Variants in HIVEP3 observed in about 807,000 individuals in gnomAD.
HIVEP3 encodes the protein HIVEP zinc finger 3, also known as transcription factor HIVEP3.
Under a neutral mutation model 152.8 loss-of-function variants are expected in HIVEP3, and 49 were observed. The ratio of observed to expected loss-of-function variants is 0.32; its 90% CI spans 0.26 to 0.41. The LOEUF (loss-of-function observed/expected upper bound fraction) is 0.41, where lower values mean the gene tolerates loss of function less well. Ranked by LOEUF, HIVEP3 falls within the 10% of genes least tolerant of loss-of-function variation. The probability of loss-of-function intolerance (pLI) is 1.00; values close to 1 mark genes in which losing one functional copy is unlikely to be tolerated. For missense variants in HIVEP3, 2,790 were observed against 3,103.3 expected (o/e 0.90, Z 2.40); for synonymous variants, 1,269 against 1,289.0 (o/e 0.98, Z 0.33).
intron 5 of HIVEP3, among the ~76,000 whole-genome samples, chr1:41,571,374 C>T (rs926188576): frequency 7.2e-5 from 11 of 152,202 alleles, no homozygotes; most frequent in African/African-American, 2.7e-4. Flanking sequence ...AACAAAAAGC[C>T]ATTCTAAACA....
chr1:41,764,628 T>C (rs1031462055), intron 1 of HIVEP3, among the ~76,000 whole-genome samples: 4 of 152,244 alleles, frequency 2.6e-5, no homozygotes, highest in Non-Finnish European at 5.9e-5. Flanking sequence ...TAAACCTGTC[T>C]GCACTTTTGA....
chr1:41,640,793 G>C (rs1168104023), intron 2 of HIVEP3, among the ~76,000 whole-genome samples: 1 of 152,210 alleles, frequency 6.6e-6, no homozygotes. Flanking sequence ...GCTACGGTCA[G>C]GCTCCATCAT....
chr1:41,988,178 G>C (rs1645335406), intron 1 of HIVEP3, among the ~76,000 whole-genome samples: 1 of 152,162 alleles, frequency 6.6e-6, no homozygotes, highest in African/African-American at 2.4e-5. Context: ...ATTTGGTAAA[G>C]ATTTCTTGGA....
chr1:41,848,811 C>T (rs1191413301), intron 1 of HIVEP3: 1 of 152,518 alleles, frequency 6.6e-6, no homozygotes, highest in Admixed American at 6.5e-5. Context: ...CCCAGCCCCA[C>T]ATCCCAAGCC....
intron 3 of HIVEP3, among the ~76,000 whole-genome samples, chr1:41,598,805 T>C (rs1170613371): frequency 1.5e-5 from 1 of 65,986 alleles, no homozygotes; most frequent in Non-Finnish European, 2.7e-5. Flanking sequence ...AGTCACATGA[T>C]GTTATTTATT....
chr1:41,515,150 AC>A (rs1457331179), intron 7 of HIVEP3, among the ~76,000 whole-genome samples: 1 of 152,198 alleles, frequency 6.6e-6, no homozygotes, highest in Non-Finnish European at 1.5e-5. Context: ...TCAGTACTGC[AC>A]CCACCTGACC....
chr1:41,596,714 T>G (rs571892109), intron 3 of HIVEP3, among the ~76,000 whole-genome samples: 1 of 152,330 alleles, frequency 6.6e-6, no homozygotes, highest in Admixed American at 6.5e-5. Flanking sequence ...GGGCTGAGGC[T>G]AATTGCTTCA....
intron 3 of HIVEP3, among the ~76,000 whole-genome samples, chr1:41,628,042 A>G (rs1015853005): frequency 1.3e-5 from 2 of 152,204 alleles, no homozygotes; most frequent in Non-Finnish European, 2.9e-5. Flanking sequence ...CCTGTACTGA[A>G]GCCTGAACAT....
Position 41,656,783 on chromosome 1 carries a change from C to G in HIVEP3, c.-720-27836G>C, listed in dbSNP as rs369636658. 5.3e-5 allele frequency among the ~76,000 whole-genome samples: 8 copies of G among 152,292 alleles called. No homozygotes were observed. In the East Asian group the frequency reaches 1.3e-3, roughly 26 times the overall value. On this transcript the variant is annotated intron_variant, in intron 2 of 8. Coordinates refer to ENST00000372583, the MANE Select transcript of HIVEP3 (RefSeq NM_024503.5). ...ATGAAACACAGAGAACTTAAAAATG[C>G]AGCAAATTACACAGTGAGAAAAGGG... is the stretch of plus-strand genomic sequence containing the variant.
intron 1 of HIVEP3, among the ~76,000 whole-genome samples, chr1:41,958,159 T>C (rs1443548459): frequency 3.3e-5 from 5 of 152,162 alleles, no homozygotes; most frequent in African/African-American, 1.2e-4. Flanking sequence ...AAGAAAGAGC[T>C]GCGGCAGCTC....
At chr1:41,978,671 T>C (rs74067854) in intron 1 of HIVEP3, among the ~76,000 whole-genome samples, 9,078 of 152,240 alleles carry the variant, frequency 0.06, 939 homozygotes, top group African/African-American at 0.21. Flanking sequence ...CTTCATTCAT[T>C]CACTCAGCAA....
chr1:41,903,910 T>C (rs2124456960), intron 1 of HIVEP3, among the ~76,000 whole-genome samples: 1 of 151,572 alleles, frequency 6.6e-6, no homozygotes, highest in Non-Finnish European at 1.5e-5. Context: ...TTTTCTTTTT[T>C]TTTTTTTTTG....
intron 5 of HIVEP3, among the ~76,000 whole-genome samples, chr1:41,534,267 C>A (rs1643342632): frequency 6.6e-6 from 1 of 152,148 alleles, no homozygotes; most frequent in African/African-American, 2.4e-5. Context: ...GCCCTGCATT[C>A]CTTGGCAGGA....
intron 5 of HIVEP3, among the ~76,000 whole-genome samples, chr1:41,565,118 T>C (rs904029837): frequency 6.6e-6 from 1 of 152,196 alleles, no homozygotes; most frequent in Non-Finnish European, 1.5e-5. Context: ...TAAGCACACA[T>C]ACATACAATG....
intron 1 of HIVEP3, among the ~76,000 whole-genome samples, chr1:42,008,156 G>T (rs1434161277): frequency 2.6e-5 from 4 of 152,140 alleles, no homozygotes; most frequent in African/African-American, 9.7e-5. Flanking sequence ...GGAATGTACA[G>T]AACCAAGAAG....
At chr1:41,588,112 C>A (rs1644532859) in intron 3 of HIVEP3, among the ~76,000 whole-genome samples, 1 of 152,178 alleles carries the variant, frequency 6.6e-6, no homozygotes, top group Admixed American at 6.5e-5. Context: ...AAGTGCTGAG[C>A]CTTCTAAAAA....
rs761668076 is a variant in HIVEP3 at position 41,583,995 on chromosome 1, A to T, written c.803T>A (p.Ile268Asn). ...GGGCTCCTCAAACTCTTCCCCAGGG[A>T]TCCGCTCCATCTCCAGCCCATGTGG... ...MYPHGLEMER[I>N]PGEEFEEPTE... is the part of the protein sequence containing the mutation. Residue 268 changes from isoleucine to asparagine, a missense_variant, in exon 4 of 9, where the codon ATC becomes AAC. Physicochemically the swap from Ile to Asn is moderately radical, Grantham distance 149. This residue lies in a region of HIVEP3 where 125 missense variants were observed against 130.1 expected (regional missense o/e 0.96). Transcript: ENST00000372583. This position sits in a 1 kb window ranked among gnomAD's most constrained non-coding sequence, Gnocchi z 6.9. 88 of 1,613,990 alleles carry T rather than the reference A, an allele frequency of 5.5e-5. No individual in the cohort carries two copies. Among genetic ancestry groups the T allele is most frequent in the Non-Finnish European group, 7.2e-5 (85 of 1,180,020 alleles).
At chr1:41,530,092 G>A (rs531858859) in intron 5 of HIVEP3, among the ~76,000 whole-genome samples, 4 of 152,088 alleles carry the variant, frequency 2.6e-5, no homozygotes, top group Non-Finnish European at 5.9e-5. Context: ...CTGTCCACCA[G>A]TACAGGTGGA....
chr1:41,653,420 T>C (rs1288954262), intron 2 of HIVEP3, among the ~76,000 whole-genome samples: 1 of 152,054 alleles, frequency 6.6e-6, no homozygotes, highest in Admixed American at 6.5e-5. Context: ...AGGATAAGGG[T>C]CTTTAAAGTT....
Sources: gnomAD v4.1 joint callset for allele counts (sites outside exome capture counted in the v4.1 genomes callset) on GRCh38, gnomAD v4.1.1 for gene constraint, gnomAD v4.1.1 regional missense constraint, Gnocchi (gnomAD v3.1) non-coding constraint, MANE v1.5 for transcripts, NCBI Gene and HGNC (gene_info 2026-07-23, HGNC 2026-07-21) for gene names.